The following PTCH2 variants were observed in gnomAD, a reference collection of about 807,000 sequenced individuals.
The protein encoded by PTCH2 is protein patched homolog 2.
Under a neutral mutation model 117.9 loss-of-function variants are expected in PTCH2, and 96 were observed. That is an observed-to-expected ratio of 0.81 (90% CI 0.69 to 0.96). The LOEUF (loss-of-function observed/expected upper bound fraction) is 0.96. Among genes scored for constraint, PTCH2 ranks in the 50% least tolerant of loss-of-function variants. The probability of loss-of-function intolerance (pLI) is 0.00; values close to 1 mark genes in which losing one functional copy is unlikely to be tolerated. For missense variants in PTCH2, 1,379 were observed against 1,562.5 expected (o/e 0.88, Z 1.98); for synonymous variants, 615 against 660.9 (o/e 0.93, Z 1.06).
Position 44,843,182 on chromosome 1 carries a change from G to A in PTCH2, c.-250C>T. On this transcript the variant is annotated 5_prime_UTR_variant, in exon 1 of 22. Coordinates refer to ENST00000372192, the MANE Select transcript of PTCH2 (RefSeq NM_003738.5). ...TGGGCCGTGGGCCGCGGCGGCTGGA[G>A]GAGGAATGGGTCCCGCGCGCAGGCG... 1 of 1,243,764 alleles carries A rather than the reference G, an allele frequency of 8.0e-7. No individual in the cohort carries two copies. Among genetic ancestry groups the A allele is most frequent in the Non-Finnish European group, 1.0e-6 (1 of 992,092 alleles). 77.0% of individuals were successfully genotyped at this position (1,243,764 alleles called of 1,614,324 possible). A position where few individuals can be genotyped will look rare whatever the true frequency, so the allele number is the denominator to read the frequency against.
chr1:44,835,407 G>A lies in PTCH2; in HGVS notation c.266-3066C>T, dbSNP rs561218250. Among the ~76,000 whole-genome samples, 3 of 152,172 alleles carry A rather than the reference G, an allele frequency of 2.0e-5. No individual in the cohort carries two copies. In the East Asian group the frequency reaches 5.8e-4, roughly 29 times the overall value. ...AAAATATAACTGGTTAACCAATATG[G>A]AAAAAGACTCTACCTTATAAATAAT... On this transcript the variant is annotated intron_variant, in intron 2 of 21. Coordinates refer to ENST00000372192, the MANE Select transcript of PTCH2 (RefSeq NM_003738.5).
At position 44,843,044 on chromosome 1, in the gene PTCH2, C is replaced by A. The variant is rs1188945363; in HGVS notation, c.-112G>T. 8 of 1,427,610 alleles carry A rather than the reference C, an allele frequency of 5.6e-6. No homozygotes were observed. Among genetic ancestry groups the A allele is most frequent in the East Asian group, 5.1e-5 (2 of 39,080 alleles). 88.4% of individuals were successfully genotyped at this position (1,427,610 alleles called of 1,614,324 possible). On this transcript the variant is annotated 5_prime_UTR_variant, in exon 1 of 22. Coordinates refer to ENST00000372192, the MANE Select transcript of PTCH2 (RefSeq NM_003738.5). ...GCCCCGCGTAGGGATTCAGTGGGGC[C>A]GCCAAGGCGCGGGCGTGGGAGAGAC...
In PTCH2 at chr1:44,823,075, C is replaced by T. The variant is rs892652275; in HGVS notation, c.3351G>A (p.Pro1117=). ...GTGCCGAGGGTGTGGTCACCTCTGGCGGCGGGCCCAGGATGGACAGCAGCA... is the reference window on the plus strand; with the variant it reads ...GTGCCGAGGGTGTGGTCACCTCTGGTGGCGGGCCCAGGATGGACAGCAGCA... ...LPVLLSILGP[P]PEVIQMYKES... is the part of the protein sequence containing the mutation. The change falls in exon 21 of 22, where the codon CCG becomes CCA. Residue 1117 remains proline (P), a synonymous_variant. Coordinates refer to ENST00000372192, the MANE Select transcript of PTCH2 (RefSeq NM_003738.5). This position sits in a 1 kb window ranked among gnomAD's most constrained non-coding sequence, Gnocchi z 5.1. 9.3e-6 allele frequency: 15 copies of T among 1,612,774 alleles called. No individual in the cohort carries two copies. Among genetic ancestry groups the T allele is most frequent in the Admixed American group, 8.4e-5 (5 of 59,850 alleles).
At chr1:44,835,060 C>T (rs1237177135) in intron 2 of PTCH2, among the ~76,000 whole-genome samples, 1 of 152,086 alleles carries the variant, frequency 6.6e-6, no homozygotes, top group African/African-American at 2.4e-5. Flanking sequence ...AAGATTGATA[C>T]ATGAAAAAAC....
chr1:44,838,087 A>G (rs1352927983), intron 2 of PTCH2, among the ~76,000 whole-genome samples: 2 of 151,930 alleles, frequency 1.3e-5, no homozygotes, highest in South Asian at 2.1e-4. Context: ...GTCTCAAAAA[A>G]AAAAAAAAAG....
downstream of PTCH2, chr1:44,820,652 G>T (rs1264815042): frequency 7.0e-6 from 5 of 714,414 alleles, no homozygotes; most frequent in East Asian, 1.3e-4. Flanking sequence ...GGCGCTCCGT[G>T]TGTCTGATGA....
rs1236962399 is a variant in PTCH2, at chr1:44,822,534, G to A, written c.3493C>T (p.His1165Tyr). The A allele has an allele frequency of 6.2e-7, 1 of 1,614,086 alleles. No individual in the cohort carries two copies. The highest frequency in any genetic ancestry group is 1.7e-4 in the Middle Eastern group (1 of 6,060). The change falls in exon 22 of 22, where the codon CAC becomes TAC. Residue 1165 changes from histidine (H) to tyrosine (Y), a missense_variant. By Grantham distance (83) the His-to-Tyr change is moderately conservative. Transcript: ENST00000372192. The stretch of plus-strand genomic sequence containing the variant: ...TAGGCACCAGGCAGGGGGGGTGGGT[G>A]GATGGCCACGGTCATGGAGGTAGTC... The part of the protein sequence containing the change: ...RVTTSMTVAI[H>Y]PPPLPGAYIH...
intron 2 of PTCH2, among the ~76,000 whole-genome samples, chr1:44,836,063 G>A (rs11573562): frequency 0.21 from 31,457 of 152,038 alleles, 3,438 homozygotes; most frequent in East Asian, 0.28. Flanking sequence ...TTGAAGGTGA[G>A]GCTGTCAGCA....
rs1653469129 is a variant in PTCH2 at position 44,831,932 on chromosome 1, C to T, written c.525+43G>A. 6.3e-7 allele frequency: 1 copy of T among 1,583,886 alleles called. No individual in the cohort carries two copies. Among genetic ancestry groups the T allele is most frequent in the Non-Finnish European group, 8.7e-7 (1 of 1,152,696 alleles). On this transcript the variant is annotated intron_variant, in intron 4 of 21. Coordinates refer to ENST00000372192, the MANE Select transcript of PTCH2 (RefSeq NM_003738.5). This position sits in a 1 kb window ranked among gnomAD's most constrained non-coding sequence, Gnocchi z 4.3. ...TGCTCGGTCTCTGAGTCCTCCCACGCTACAGAAAAAGTTCTGCCTCTACTC... is the reference window on the plus strand; with the variant it reads ...TGCTCGGTCTCTGAGTCCTCCCACGTTACAGAAAAAGTTCTGCCTCTACTC...
At position 44,827,510 on chromosome 1, in the gene PTCH2, C is replaced by T. The variant is rs200862802; in HGVS notation, c.2263G>A (p.Ala755Thr). ...GGFDYAHSQR[A>T]LFDLHQRFSS... is the part of the protein sequence containing the mutation. The stretch of plus-strand genomic sequence containing the variant: ...AAGCGCTGGTGCAGATCAAAGAGGG[C>T]GCGTTGGGAGTGGGCGTAGTCAAAG... The change falls in exon 15 of 22, where the codon GCC becomes ACC. Residue 755 changes from alanine to threonine, a missense_variant. Coordinates refer to ENST00000372192, the MANE Select transcript of PTCH2 (RefSeq NM_003738.5). The T allele has an allele frequency of 8.7e-5, 141 of 1,613,914 alleles. No homozygotes were observed. The highest frequency in any genetic ancestry group is 1.7e-4 in the Middle Eastern group (1 of 6,038).
At position 44,822,340 on chromosome 1, in the gene PTCH2, C is replaced by T. The variant is rs988943163; in HGVS notation, c.*75G>A. On this transcript the variant is annotated 3_prime_UTR_variant, in exon 22 of 22. Coordinates refer to ENST00000372192, the MANE Select transcript of PTCH2 (RefSeq NM_003738.5). ...CAGGGCCCTCCAGGGGTCCATCCTG[C>T]GTCTAACACCAGACCCAGTGCTTCC... 15 of 1,606,702 alleles carry T rather than the reference C, an allele frequency of 9.3e-6. No individual in the cohort carries two copies. Among genetic ancestry groups the T allele is most frequent in the East Asian group, 4.5e-5 (2 of 44,900 alleles).
At chr1:44,824,634 A>G (rs1204580510) in intron 19 of PTCH2, among the ~76,000 whole-genome samples, 3 of 151,974 alleles carry the variant, frequency 2.0e-5, no homozygotes, top group Non-Finnish European at 2.9e-5. Context: ...AGTGGCTGAG[A>G]CTACAGGCAC....
At position 44,827,604 on chromosome 1, in the gene PTCH2, C is replaced by T; in HGVS notation, c.2169G>A (p.Glu723=). The T allele has an allele frequency of 6.2e-7, 1 of 1,613,964 alleles. No homozygotes were observed. The highest frequency in any genetic ancestry group is 8.5e-7 in the Non-Finnish European group (1 of 1,180,036). The change falls in exon 15 of 22, where the codon GAG becomes GAA. Residue 723 remains glutamate (E), a synonymous_variant. Transcript: ENST00000372192. ...TGAGCTGGGCGCTCAGGAAGGCATG[C>T]TCCTTGGTGCCCCGAGGCACCACAT... ...LTDVVPRGTK[E]HAFLSAQLRY...
At position 44,826,788 on chromosome 1, in the gene PTCH2, G is replaced by T. The variant is rs1294931618; in HGVS notation, c.2696-20C>A. The T allele has an allele frequency of 2.9e-5, 47 of 1,601,756 alleles. No homozygotes were observed. The highest frequency in any genetic ancestry group is 3.6e-5 in the Non-Finnish European group (42 of 1,172,238). ...GCGGGACTGTGGAGGGGAGGGGAAGGGAGAAGAGGGAGAGGGACAGGGCGG... is the reference window on the plus strand; with the variant it reads ...GCGGGACTGTGGAGGGGAGGGGAAGTGAGAAGAGGGAGAGGGACAGGGCGG... On this transcript the variant is annotated intron_variant, in intron 17 of 21. Transcript: ENST00000372192. The surrounding 1 kb of genome is among the most constrained non-coding windows in gnomAD (Gnocchi z 5.1).
At chr1:44,837,762 A>G (rs968536334) in intron 2 of PTCH2, among the ~76,000 whole-genome samples, 1 of 152,032 alleles carries the variant, frequency 6.6e-6, no homozygotes, top group Non-Finnish European at 1.5e-5. Flanking sequence ...GGCCTCAACT[A>G]GAGCAGTGAC....
Position 44,826,213 on chromosome 1 carries a change from C to G in PTCH2, c.3114+37G>C. ...GAACAATATGTGTTGAATACTGAAT[C>G]AGCTGATTGGTCCCTCCCCGGGGTG... is the stretch of plus-strand genomic sequence containing the variant. On this transcript the variant is annotated intron_variant, in intron 19 of 21. Coordinates refer to ENST00000372192, the MANE Select transcript of PTCH2 (RefSeq NM_003738.5). This position sits in a 1 kb window ranked among gnomAD's most constrained non-coding sequence, Gnocchi z 5.1. 1 of 1,607,436 alleles carries G rather than the reference C, an allele frequency of 6.2e-7. No homozygotes were observed. Among genetic ancestry groups the G allele is most frequent in the Non-Finnish European group, 8.5e-7 (1 of 1,176,856 alleles).
rs374860279 is a variant in PTCH2, at chr1:44,841,839, C to T, written c.265+8G>A. ...CCTGAGCAGCTATGGCCAGTGTCCA[C>T]AACTTACCTTCTACCCAGAGCTGTT... On this transcript the variant is annotated splice_region_variant and intron_variant, in intron 2 of 21. Coordinates refer to ENST00000372192, the MANE Select transcript of PTCH2 (RefSeq NM_003738.5). The T allele has an allele frequency of 2.5e-6, 4 of 1,614,012 alleles. No individual in the cohort carries two copies. The African/African-American group carries it at 5.3e-5, about 22-fold the overall frequency.
In PTCH2 at chr1:44,827,166, C is replaced by T; in HGVS notation, c.2514+1G>A. The T allele has an allele frequency of 1.2e-6, 2 of 1,614,076 alleles. No homozygotes were observed. Among genetic ancestry groups the T allele is most frequent in the South Asian group, 1.1e-5 (1 of 91,086 alleles). On this transcript the variant is annotated splice_donor_variant, in intron 16 of 21. Coordinates refer to ENST00000372192, the MANE Select transcript of PTCH2 (RefSeq NM_003738.5). LOFTEE classifies it high-confidence loss of function. ...GTGGACCCCTCCAGCCCTCTCCCAA[C>T]CTGGCTGAAATCCAGAGGCTCCTGG...
intron 2 of PTCH2, among the ~76,000 whole-genome samples, chr1:44,840,819 G>C (rs764586585): frequency 6.6e-6 from 1 of 152,102 alleles, no homozygotes; most frequent in African/African-American, 2.4e-5. Context: ...ACTTGACCCT[G>C]GGAGGTGGAG....
Sources: gnomAD v4.1 joint callset for allele counts (sites outside exome capture counted in the v4.1 genomes callset) on GRCh38, gnomAD v4.1.1 for gene constraint, Gnocchi (gnomAD v3.1) non-coding constraint, MANE v1.5 for transcripts, NCBI Gene and HGNC (gene_info 2026-07-23, HGNC 2026-07-21) for gene names.